Variants in CNTNAP2 observed in about 807,000 individuals in gnomAD.
CNTNAP2 encodes contactin-associated protein-like 2.
In CNTNAP2, 98 loss-of-function variants were observed where a neutral mutation model predicts 155.2. The observed-to-expected ratio is 0.63, with a 90% CI of 0.54 to 0.75. The LOEUF is 0.75. Among genes scored for constraint, CNTNAP2 ranks in the 30% least tolerant of loss-of-function variants. CNTNAP2 has a pLI of 0.00. For synonymous variants in CNTNAP2, 651 were observed against 631.2 expected (o/e 1.03, Z -0.47); for missense variants, 1,727 against 1,688.1 (o/e 1.02, Z -0.40).
rs1052928982 is a variant in CNTNAP2, at chr7:146,840,011, T to A, written c.402+107T>A. 2.3e-6 allele frequency: 3 copies of A among 1,297,264 alleles called. No homozygotes were observed. The Admixed American group carries it at 6.0e-5, about 26-fold the overall frequency. The allele number at this position is 1,297,264 out of a possible 1,614,324, so 80.4% of individuals were successfully genotyped here. A position where few individuals can be genotyped will look rare whatever the true frequency, so the allele number is the denominator to read the frequency against. On this transcript the variant is annotated intron_variant, in intron 3 of 23. Coordinates refer to ENST00000361727, the MANE Select transcript of CNTNAP2 (RefSeq NM_014141.6). ...AGTTATCAATATTTATGTATTCAAA[T>A]CATTGGGAAACTATTTATTCATCAT...
intron 8 of CNTNAP2, among the ~76,000 whole-genome samples, chr7:147,136,565 G>A (rs1801483223): frequency 6.6e-6 from 1 of 151,898 alleles, no homozygotes; most frequent in African/African-American, 2.4e-5. Context: ...GTGTGTGGCT[G>A]GGAGCATGCT....
At chr7:147,111,834 G>T (rs1321263060) in intron 5 of CNTNAP2, among the ~76,000 whole-genome samples, 1 of 152,082 alleles carries the variant, frequency 6.6e-6, no homozygotes, top group Non-Finnish European at 1.5e-5. Flanking sequence ...TCTTAGGATT[G>T]TGTTGGCCAT....
At chr7:148,332,147 C>G (rs1447846474) in intron 21 of CNTNAP2, among the ~76,000 whole-genome samples, 2 of 134,032 alleles carry the variant, frequency 1.5e-5, no homozygotes, top group Admixed American at 1.5e-4. Context: ...CTGGTAAAAT[C>G]ATGACAAACT....
intron 1 of CNTNAP2, among the ~76,000 whole-genome samples, chr7:146,442,701 T>C (rs2693421): frequency 0.036 from 5,424 of 152,200 alleles, 344 homozygotes; most frequent in African/African-American, 0.12. Flanking sequence ...CTTGACATTT[T>C]TGTGGTATCG....
rs547181323 is a variant in CNTNAP2 at position 147,167,808 on chromosome 7, C to T, written c.1348+35299C>T. On this transcript the variant is annotated intron_variant, in intron 8 of 23. Transcript: ENST00000361727. ...GAGCTGTTTTGGAATGCAGTTGATT[C>T]CTTCTTGAGTTTCAAATGTAAGACT... is the stretch of plus-strand genomic sequence containing the variant. 2.0e-5 allele frequency among the ~76,000 whole-genome samples: 3 copies of T among 152,112 alleles called. No homozygotes were observed. The South Asian group carries it at 6.2e-4, about 32-fold the overall frequency.
rs1303865441 is a variant in CNTNAP2, at chr7:148,301,288, C to T, written c.3475+34162C>T. ...CAGCCTGGGTGACAAGGCGAGACTC[C>T]GTCTAAAAAAAAAAAAAAATATATA... On this transcript the variant is annotated intron_variant, in intron 21 of 23. Transcript: ENST00000361727. Among the ~76,000 whole-genome samples, 4 of 60,744 alleles carry T rather than the reference C, an allele frequency of 6.6e-5. No individual in the cohort carries two copies. In the Admixed American group the frequency reaches 6.9e-4, roughly 10 times the overall value. 39.9% of individuals were successfully genotyped at this position (60,744 alleles called of 152,430 possible).
chr7:146,206,830 A>C (rs1798954670), intron 1 of CNTNAP2, among the ~76,000 whole-genome samples: 1 of 151,990 alleles, frequency 6.6e-6, no homozygotes, highest in African/African-American at 2.4e-5. Context: ...TAATGGCATG[A>C]ATTTTATTTC....
chr7:146,774,181 A>G (rs528382745), intron 1 of CNTNAP2, 90 bp from the exon 2 acceptor site: 151 of 875,434 alleles, frequency 1.7e-4, no homozygotes, highest in Non-Finnish European at 2.5e-4. Context: ...AAGACATATC[A>G]GATTCAATGA....
At chr7:147,592,139 C>T (rs899809883) in intron 12 of CNTNAP2, among the ~76,000 whole-genome samples, 7 of 152,124 alleles carry the variant, frequency 4.6e-5, no homozygotes, top group Non-Finnish European at 1.0e-4. Context: ...CTGATTTATT[C>T]TTACATCTTT....
intron 3 of CNTNAP2, among the ~76,000 whole-genome samples, chr7:146,950,799 G>A (rs892816595): frequency 6.6e-6 from 1 of 152,018 alleles, no homozygotes; most frequent in Non-Finnish European, 1.5e-5. Context: ...AATCCTTTGG[G>A]CATATACCTA....
intron 6 of CNTNAP2, among the ~76,000 whole-genome samples, chr7:147,125,379 T>C (rs557162068): frequency 1.3e-5 from 2 of 152,258 alleles, no homozygotes; most frequent in African/African-American, 4.8e-5. Flanking sequence ...TGTAGCTGCC[T>C]ACACTGCAAA....
chr7:147,455,856 G>A (rs2116577211), intron 10 of CNTNAP2, among the ~76,000 whole-genome samples: 1 of 152,128 alleles, frequency 6.6e-6, no homozygotes, highest in East Asian at 1.9e-4. Context: ...GCAAGCCAAG[G>A]CCGTTCAACA....
chr7:146,245,361 C>G (rs10263042), intron 1 of CNTNAP2, among the ~76,000 whole-genome samples: 13,325 of 151,314 alleles, frequency 0.088, 1,858 homozygotes, highest in African/African-American at 0.3. Context: ...TATGCGTCAG[C>G]TATGAGGAAG....
intron 3 of CNTNAP2, among the ~76,000 whole-genome samples, chr7:146,932,816 A>G (rs1796807397): frequency 6.6e-6 from 1 of 152,168 alleles, no homozygotes; most frequent in Admixed American, 6.5e-5. Flanking sequence ...GAGCCAAATC[A>G]TGTGTGAACT....
At chr7:146,654,533 A>C (rs1585026934) in intron 1 of CNTNAP2, among the ~76,000 whole-genome samples, 1 of 152,338 alleles carries the variant, frequency 6.6e-6, no homozygotes, top group East Asian at 1.9e-4. Flanking sequence ...ATTAAAGATT[A>C]AGAATAATAT....
chr7:147,021,852 A>T (rs1798823157), intron 3 of CNTNAP2, among the ~76,000 whole-genome samples: 1 of 151,850 alleles, frequency 6.6e-6, no homozygotes, highest in Non-Finnish European at 1.5e-5. Context: ...ATCAAACATA[A>T]ATCAATTTTT....
At chr7:147,412,633 T>C (rs1263748532) in intron 10 of CNTNAP2, among the ~76,000 whole-genome samples, 4 of 152,160 alleles carry the variant, frequency 2.6e-5, no homozygotes, top group African/African-American at 9.7e-5. Flanking sequence ...ACATTTTTTA[T>C]AGAATGAATG....
intron 1 of CNTNAP2, among the ~76,000 whole-genome samples, chr7:146,768,427 C>A (rs1345473349): frequency 6.6e-6 from 1 of 151,754 alleles, no homozygotes; most frequent in Non-Finnish European, 1.5e-5. Flanking sequence ...CCCCACATTT[C>A]TGACCATCAT....
intron 1 of CNTNAP2, among the ~76,000 whole-genome samples, chr7:146,245,086 A>T (rs1396731637): frequency 6.6e-6 from 1 of 152,196 alleles, no homozygotes; most frequent in African/African-American, 2.4e-5. Flanking sequence ...ACTATAGCAT[A>T]GCCTGCCTTT....
Sources: gnomAD v4.1 joint callset for allele counts (sites outside exome capture counted in the v4.1 genomes callset) on GRCh38, gnomAD v4.1.1 for gene constraint, MANE v1.5 for transcripts, NCBI Gene and HGNC (gene_info 2026-07-23, HGNC 2026-07-21) for gene names.